RP1: variants seen among roughly 807,000 people sequenced by gnomAD.
RP1 encodes RP1 axonemal microtubule associated.
RP1 carries 16 observed loss-of-function variants against 14.8 expected under a neutral mutation model. That is an observed-to-expected ratio of 1.08 (90% CI 0.73 to 1.65). The LOEUF (loss-of-function observed/expected upper bound fraction) is 1.65. Ranked by LOEUF, RP1 falls within the 40% of genes most tolerant of loss-of-function variation. RP1 has a pLI of 0.00. For missense variants in RP1, 2,631 were observed against 2,535.0 expected (o/e 1.04, Z -0.81); for synonymous variants, 876 against 883.6 (o/e 0.99, Z 0.15).
chr8:54,683,174 A>G (rs764958250), intron 12 of RP1, among the ~76,000 whole-genome samples: 10 of 152,152 alleles, frequency 6.6e-5, no homozygotes, highest in Non-Finnish European at 7.4e-5. Flanking sequence ...CTGTTTTGGT[A>G]ACAGTACCGT....
At chr8:54,787,964 T>TTATAA (rs1368884264) in intron 24 of RP1, among the ~76,000 whole-genome samples, 2 of 152,198 alleles carry the variant, frequency 1.3e-5, no homozygotes, top group Non-Finnish European at 2.9e-5. Flanking sequence ...CAACAATACT[T>TTATAA]TATAATATAA....
At chr8:54,815,555 A>G (rs1811118066) in intron 24 of RP1, among the ~76,000 whole-genome samples, 1 of 152,202 alleles carries the variant, frequency 6.6e-6, no homozygotes. Flanking sequence ...TTACAAACGA[A>G]GTCTGGAATT....
At chr8:54,614,021 T>A (rs758638493), upstream of RP1, among the ~76,000 whole-genome samples, 3 of 152,240 alleles carry the variant, frequency 2.0e-5, no homozygotes, top group Admixed American at 1.3e-4. Context: ...ATTCAGACAC[T>A]GTGTCAAACA....
At chr8:54,592,730 G>A (rs763532509) in intron 1 of RP1, among the ~76,000 whole-genome samples, 6 of 152,050 alleles carry the variant, frequency 3.9e-5, no homozygotes, top group Non-Finnish European at 7.4e-5. Flanking sequence ...CAGCTATCAA[G>A]GACTCTTATC....
intron 25 of RP1, among the ~76,000 whole-genome samples, chr8:54,838,060 G>T (rs1811704630): frequency 6.6e-6 from 1 of 152,188 alleles, no homozygotes; most frequent in Admixed American, 6.5e-5. Context: ...CAAGTTGTTT[G>T]CCCACCCCTG....
chr8:54,783,750 T>A, intron 24 of RP1: 1 of 1,157,944 alleles, frequency 8.6e-7, no homozygotes, highest in Non-Finnish European at 1.1e-6. Context: ...CTAAGATATA[T>A]TGTGATATAC....
At chr8:54,576,913 G>C (rs1243312458) in intron 1 of RP1, among the ~76,000 whole-genome samples, 2 of 152,202 alleles carry the variant, frequency 1.3e-5, no homozygotes, top group African/African-American at 4.8e-5. Flanking sequence ...AACTTGGTTT[G>C]ATTAAACTGA....
At chr8:54,639,049 A>G (rs1420650515) in intron 3 of RP1, among the ~76,000 whole-genome samples, 16 of 152,220 alleles carry the variant, frequency 1.1e-4, no homozygotes. Flanking sequence ...CATTTCCATC[A>G]CTCAAAAAAG....
intron 1 of RP1, among the ~76,000 whole-genome samples, chr8:54,562,078 G>C (rs1451848275): frequency 6.6e-6 from 1 of 152,128 alleles, no homozygotes; most frequent in East Asian, 1.9e-4. Flanking sequence ...CTTGTCTAGA[G>C]AAATATGAGA....
intron 12 of RP1, among the ~76,000 whole-genome samples, chr8:54,684,987 G>A (rs562312652): frequency 1.1e-4 from 17 of 152,270 alleles, no homozygotes; most frequent in Middle Eastern, 6.8e-3. Flanking sequence ...GCGGCTTGTT[G>A]TGGGAGGGCA....
At chr8:54,699,705 T>G (rs1242112955) in intron 13 of RP1, 11 of 413,828 alleles carry the variant, frequency 2.7e-5, no homozygotes, top group Admixed American at 4.5e-5. Flanking sequence ...TTTGTTTCAC[T>G]AATTGTTGAG....
At chr8:54,632,282 G>A (rs1282030454), downstream of RP1, among the ~76,000 whole-genome samples, 3 of 152,152 alleles carry the variant, frequency 2.0e-5, no homozygotes, top group South Asian at 2.1e-4. Flanking sequence ...AAAACCAGGA[G>A]GTTTCAAGAA....
At chr8:54,733,466 A>G (rs1808840213) in intron 17 of RP1, among the ~76,000 whole-genome samples, 1 of 152,182 alleles carries the variant, frequency 6.6e-6, no homozygotes, top group Non-Finnish European at 1.5e-5. Flanking sequence ...GTTCTTTCAT[A>G]GCATTTGTTT....
chr8:54,687,791 A>G (rs1224737298), intron 12 of RP1, among the ~76,000 whole-genome samples: 2 of 152,204 alleles, frequency 1.3e-5, no homozygotes, highest in Admixed American at 6.5e-5. Context: ...GTGTCTTTAT[A>G]GCAGAATGAC....
At chr8:54,645,542 G>A (rs1806528237) in intron 3 of RP1, among the ~76,000 whole-genome samples, 2 of 152,128 alleles carry the variant, frequency 1.3e-5, no homozygotes, top group Admixed American at 6.6e-5. Context: ...GCTGCTTAAT[G>A]TTAAAAAACT....
At chr8:54,604,881 G>A (rs1456190669) in intron 1 of RP1, among the ~76,000 whole-genome samples, 2 of 152,110 alleles carry the variant, frequency 1.3e-5, no homozygotes, top group Non-Finnish European at 2.9e-5. Context: ...GATCGGCGGT[G>A]ATATCCTCTT....
At chr8:54,681,076 A>C (rs1004242046) in intron 12 of RP1, among the ~76,000 whole-genome samples, 1 of 152,150 alleles carries the variant, frequency 6.6e-6, no homozygotes, top group African/African-American at 2.4e-5. Context: ...ATTGGTTCCC[A>C]CTTGAGATTA....
intron 17 of RP1, among the ~76,000 whole-genome samples, chr8:54,734,310 T>A (rs1458665537): frequency 1.3e-5 from 2 of 152,026 alleles, no homozygotes; most frequent in Non-Finnish European, 2.9e-5. Flanking sequence ...GCCATGTAGG[T>A]CAGATGTTTA....
chr8:54,688,919 C>G (rs530882838), intron 12 of RP1, among the ~76,000 whole-genome samples: 3 of 152,068 alleles, frequency 2.0e-5, no homozygotes, highest in Non-Finnish European at 2.9e-5. Flanking sequence ...GCCATTTTCA[C>G]GATATTGATT....
Sources: allele counts gnomAD v4.1 joint callset (sites outside exome capture counted in the v4.1 genomes callset), GRCh38; gene constraint gnomAD v4.1.1; transcripts MANE v1.5; gene names NCBI Gene and HGNC (gene_info 2026-07-23, HGNC 2026-07-21).